The following FOXP2 variants were observed in gnomAD, a reference collection of about 807,000 sequenced individuals.
FOXP2 encodes the protein forkhead box P2, also known as forkhead box protein P2.
In FOXP2, 12 loss-of-function variants were observed where a neutral mutation model predicts 115.8. That is an observed-to-expected ratio of 0.10 (90% CI 0.07 to 0.17). FOXP2 has a LOEUF of 0.17. FOXP2 is among the 10% of genes least tolerant of loss of function. The pLI, the probability that FOXP2 is intolerant of heterozygous loss-of-function variation, is 1.00. For missense variants in FOXP2, 629 were observed against 843.5 expected (o/e 0.75, Z 3.15); for synonymous variants, 328 against 297.7 (o/e 1.10, Z -1.05).
chr7:114,624,735 A>T (rs1804443971), intron 3 of FOXP2, among the ~76,000 whole-genome samples: 1 of 151,660 alleles, frequency 6.6e-6, no homozygotes, highest in Non-Finnish European at 1.5e-5. Context: ...AATGACATAT[A>T]CTTTAAATTT....
At chr7:114,094,362 A>G (rs952149434) in intron 1 of FOXP2, among the ~76,000 whole-genome samples, 2 of 152,162 alleles carry the variant, frequency 1.3e-5, no homozygotes, top group Non-Finnish European at 2.9e-5. Context: ...TGCCCTACAG[A>G]TCTCCCTCTC....
At position 114,235,743 on chromosome 7, in the gene FOXP2, C is replaced by G. The variant is rs368154010; in HGVS notation, c.-101-52276C>G. On this transcript the variant is annotated intron_variant, in intron 1 of 17. Transcript: ENST00000634411. ...TCCAATTTTGCACTGATCATAGGGC[C>G]TTTTACATCATTTTGGCTGGTGGGA... Among the ~76,000 whole-genome samples, 37 of 152,204 alleles carry G rather than the reference C, an allele frequency of 2.4e-4. No individual in the cohort carries two copies. The East Asian group carries it at 6.6e-3, about 27-fold the overall frequency.
chr7:114,478,388 A>T (rs570480724), intron 2 of FOXP2, among the ~76,000 whole-genome samples: 85 of 151,984 alleles, frequency 5.6e-4, no homozygotes, highest in African/African-American at 2.0e-3. Context: ...GAAACAAAGG[A>T]ATTTAAACAA....
At chr7:114,388,407 T>TTA (rs34166936) in intron 2 of FOXP2, among the ~76,000 whole-genome samples, 69,111 of 150,114 alleles carry the variant, frequency 0.46, 18,570 homozygotes, top group East Asian at 0.94. Context: ...TTTTTTTTTT[T>TTA]AGTCTCTGAG....
At chr7:114,255,887 G>A (rs894085136) in intron 1 of FOXP2, among the ~76,000 whole-genome samples, 1 of 152,120 alleles carries the variant, frequency 6.6e-6, no homozygotes, top group Non-Finnish European at 1.5e-5. Flanking sequence ...CATTGCTCAC[G>A]CTAGGAGCTG....
At chr7:114,488,634 T>C (rs1330555676) in intron 2 of FOXP2, among the ~76,000 whole-genome samples, 3 of 152,104 alleles carry the variant, frequency 2.0e-5, no homozygotes, top group Admixed American at 1.3e-4. Flanking sequence ...CATAGTTATA[T>C]TAAAAGTTAA....
intron 2 of FOXP2, among the ~76,000 whole-genome samples, chr7:114,462,276 T>TG (rs1167453991): frequency 4.0e-3 from 85 of 21,278 alleles, no homozygotes; most frequent in Non-Finnish European, 7.6e-3. Flanking sequence ...CGAGACTCCG[T>TG]GAAAAAAAAA....
At chr7:114,387,409 TA>T (rs1185515164) in intron 2 of FOXP2, among the ~76,000 whole-genome samples, 1 of 152,204 alleles carries the variant, frequency 6.6e-6, no homozygotes, top group East Asian at 1.9e-4. Context: ...AGTTCAGGAC[TA>T]GAATACATGA....
intron 1 of FOXP2, among the ~76,000 whole-genome samples, chr7:114,228,211 A>C (rs1169273264): frequency 1.3e-5 from 2 of 151,982 alleles, no homozygotes; most frequent in African/African-American, 4.8e-5. Context: ...ACTAGACAAG[A>C]GTGTTCTTGA....
intron 1 of FOXP2, among the ~76,000 whole-genome samples, chr7:114,192,639 T>G (rs1045697239): frequency 6.6e-6 from 1 of 152,224 alleles, no homozygotes; most frequent in African/African-American, 2.4e-5. Context: ...CAGTGTATAT[T>G]GCAATCAGTT....
intron 14 of FOXP2, among the ~76,000 whole-genome samples, chr7:114,662,658 A>G (rs1370455450): frequency 6.6e-6 from 1 of 152,090 alleles, no homozygotes; most frequent in Non-Finnish European, 1.5e-5. Flanking sequence ...ATTTTCCAAG[A>G]CAAACTTTAT....
chr7:114,286,115 C>T (rs1469659433), intron 1 of FOXP2, among the ~76,000 whole-genome samples: 1 of 151,636 alleles, frequency 6.6e-6, no homozygotes, highest in East Asian at 1.9e-4. Context: ...ACTTTCTGCC[C>T]GATTCTTAGA....
intron 2 of FOXP2, among the ~76,000 whole-genome samples, chr7:114,310,760 A>G (rs567257648): frequency 2.6e-5 from 4 of 152,188 alleles, no homozygotes; most frequent in African/African-American, 9.6e-5. Flanking sequence ...CTGTCTTCAT[A>G]TGGCCATTGC....
intron 3 of FOXP2, among the ~76,000 whole-genome samples, chr7:114,627,927 GAC>G (rs200401987): frequency 5.3e-5 from 8 of 150,686 alleles, no homozygotes; most frequent in South Asian, 2.1e-4. Flanking sequence ...TATACACACA[GAC>G]ACACACACAC....
intron 3 of FOXP2, among the ~76,000 whole-genome samples, chr7:114,626,414 G>A (rs1804586732): frequency 1.3e-5 from 2 of 151,764 alleles, no homozygotes; most frequent in Admixed American, 1.3e-4. Context: ...ATTTGTACTT[G>A]TAGGTATAGG....
chr7:114,582,565 T>A (rs1363522052), intron 3 of FOXP2, among the ~76,000 whole-genome samples: 2 of 152,354 alleles, frequency 1.3e-5, no homozygotes, highest in East Asian at 3.9e-4. Context: ...TCATAAAAGA[T>A]TGTAATAATA....
intron 1 of FOXP2, among the ~76,000 whole-genome samples, chr7:114,240,224 T>G (rs60294487): frequency 1.2e-4 from 19 of 152,026 alleles, no homozygotes; most frequent in African/African-American, 4.6e-4. Context: ...TTTTGTTGGT[T>G]GGGGGGAGGA....
intron 2 of FOXP2, among the ~76,000 whole-genome samples, chr7:114,450,459 G>A (rs1022748901): frequency 6.6e-6 from 1 of 152,078 alleles, no homozygotes; most frequent in African/African-American, 2.4e-5. Flanking sequence ...TGTAAAATTT[G>A]TTGAAATATG....
intron 2 of FOXP2, among the ~76,000 whole-genome samples, chr7:114,403,674 A>G (rs2129197166): frequency 6.6e-6 from 1 of 152,330 alleles, no homozygotes; most frequent in Non-Finnish European, 1.5e-5. Flanking sequence ...TTTGAAATTC[A>G]TAATTGATTA....
Sources: gnomAD v4.1 joint callset for allele counts (sites outside exome capture counted in the v4.1 genomes callset) on GRCh38, gnomAD v4.1.1 for gene constraint, MANE v1.5 for transcripts, NCBI Gene and HGNC (gene_info 2026-07-23, HGNC 2026-07-21) for gene names.